The following EYS variants were observed in gnomAD, a reference collection of about 807,000 sequenced individuals.
EYS encodes the protein EGF-like photoreceptor maintenance factor.
Under a neutral mutation model 282.1 loss-of-function variants are expected in EYS, and 250 were observed. That is an observed-to-expected ratio of 0.89 (90% CI 0.80 to 0.98). The LOEUF is 0.98. Ranked by LOEUF, EYS falls within the 50% of genes least tolerant of loss-of-function variation. EYS has a pLI of 0.00. For missense variants in EYS, 4,016 were observed against 3,709.0 expected (o/e 1.08, Z -2.15); for synonymous variants, 1,355 against 1,282.9 (o/e 1.06, Z -1.20).
chr6:64,008,592 G>C (rs985754881), intron 33 of EYS, among the ~76,000 whole-genome samples: 16 of 151,494 alleles, frequency 1.1e-4, no homozygotes, highest in African/African-American at 3.9e-4. Context: ...TGTTTTTGTA[G>C]TGGCTAGTAG....
chr6:64,418,756 T>C (rs1774135946), intron 28 of EYS, among the ~76,000 whole-genome samples: 1 of 151,112 alleles, frequency 6.6e-6, no homozygotes, highest in Non-Finnish European at 1.5e-5. Flanking sequence ...TATATGACTA[T>C]AATTGAGGGA....
At chr6:65,638,725 C>G (rs1461952437) in intron 2 of EYS, among the ~76,000 whole-genome samples, 1 of 152,234 alleles carries the variant, frequency 6.6e-6, no homozygotes, top group Admixed American at 6.5e-5. Flanking sequence ...CCCACGCTCA[C>G]TTTCTCACAT....
In EYS at chr6:64,230,746, C is replaced by T. The variant is rs1276354912; in HGVS notation, c.6270G>A (p.Trp2090Ter). Residue 2090 changes from tryptophan (W) to a stop codon, truncating the protein, a stop_gained, in exon 31 of 43, where the codon TGG (tryptophan) becomes TGA (stop). Transcript: ENST00000503581. LOFTEE classifies it high-confidence loss of function. ...SDVTQGVDTMWTSVSPSVAAP... is the reference protein window; with the variant it reads ...SDVTQGVDTM ...CTGCAACAGAGGGGCTGACAGAAGTCCACATGGTATCAACCCCTTGTGTCA... is the reference window on the plus strand; with the variant it reads ...CTGCAACAGAGGGGCTGACAGAAGTTCACATGGTATCAACCCCTTGTGTCA... 3 of 1,551,422 alleles carry T rather than the reference C, an allele frequency of 1.9e-6. No homozygotes were observed. The African/African-American group carries it at 4.1e-5, about 21-fold the overall frequency.
intron 29 of EYS, among the ~76,000 whole-genome samples, chr6:64,346,078 A>T (rs1378544851): frequency 6.6e-6 from 1 of 152,066 alleles, no homozygotes; most frequent in Non-Finnish European, 1.5e-5. Context: ...ATGTGGAGAA[A>T]TAGGAACACT....
chr6:65,491,389 G>A, intron 4 of EYS: 1 of 305,632 alleles, frequency 3.3e-6, no homozygotes, highest in South Asian at 3.0e-5. Context: ...AAAATCCCAG[G>A]GCATAGCAAG....
chr6:64,482,788 T>C (rs546804875), intron 26 of EYS, among the ~76,000 whole-genome samples: 142 of 151,876 alleles, frequency 9.3e-4, no homozygotes, highest in Non-Finnish European at 1.8e-3. Context: ...ACAAAAAGTG[T>C]TGCAAACAGT....
chr6:63,926,977 A>G (rs1203841702), intron 35 of EYS, among the ~76,000 whole-genome samples: 3 of 152,186 alleles, frequency 2.0e-5, no homozygotes, highest in African/African-American at 7.2e-5. Context: ...ATATTAGCTC[A>G]CTTGATTTCA....
intron 13 of EYS, among the ~76,000 whole-genome samples, chr6:64,999,534 A>T (rs937478410): frequency 1.3e-5 from 2 of 152,244 alleles, no homozygotes; most frequent in South Asian, 2.1e-4. Flanking sequence ...CTACGTGAGG[A>T]CGGCACTCCT....
intron 26 of EYS, among the ~76,000 whole-genome samples, chr6:64,500,502 T>C (rs969056894): frequency 6.6e-6 from 1 of 152,030 alleles, no homozygotes; most frequent in South Asian, 2.1e-4. Flanking sequence ...AATCACACAT[T>C]CAAACAATGT....
intron 7 of EYS, among the ~76,000 whole-genome samples, chr6:65,385,574 G>C (rs1765769090): frequency 6.6e-6 from 1 of 151,582 alleles, no homozygotes; most frequent in African/African-American, 2.4e-5. Flanking sequence ...TTCAATTATT[G>C]TAAGTTGTGA....
At chr6:65,580,752 G>A (rs1374966187) in intron 2 of EYS, among the ~76,000 whole-genome samples, 2 of 151,812 alleles carry the variant, frequency 1.3e-5, no homozygotes, top group Non-Finnish European at 2.9e-5. Flanking sequence ...TCTATATAAA[G>A]CTACTATTTC....
chr6:63,900,196 A>G (rs1481486944), intron 35 of EYS, among the ~76,000 whole-genome samples: 1 of 152,188 alleles, frequency 6.6e-6, no homozygotes, highest in Non-Finnish European at 1.5e-5. Flanking sequence ...TGCAGGTATT[A>G]TTTACTTATT....
chr6:65,620,760 T>C (rs1461566186), intron 2 of EYS, among the ~76,000 whole-genome samples: 3 of 151,808 alleles, frequency 2.0e-5, no homozygotes, highest in Non-Finnish European at 4.4e-5. Context: ...GTGTCTTTGT[T>C]CTCATTGGTT....
chr6:65,041,017 T>C (rs952812642), intron 13 of EYS, among the ~76,000 whole-genome samples: 1 of 151,784 alleles, frequency 6.6e-6, no homozygotes, highest in African/African-American at 2.4e-5. Flanking sequence ...GATTGCAGAA[T>C]TGTAGATGAG....
intron 12 of EYS, among the ~76,000 whole-genome samples, chr6:65,110,859 T>G (rs995283724): frequency 6.6e-6 from 1 of 152,064 alleles, no homozygotes; most frequent in African/African-American, 2.4e-5. Context: ...ATGATAAAAT[T>G]TATATATTAG....
intron 22 of EYS, among the ~76,000 whole-genome samples, chr6:64,742,380 C>A (rs1479895359): frequency 6.6e-6 from 1 of 151,960 alleles, no homozygotes; most frequent in Non-Finnish European, 1.5e-5. Context: ...TGACAATGAA[C>A]AAATTTAAAA....
chr6:64,937,997 G>A (rs1361644256), intron 15 of EYS, among the ~76,000 whole-genome samples: 1 of 151,510 alleles, frequency 6.6e-6, no homozygotes, highest in Non-Finnish European at 1.5e-5. Context: ...AAAATATTAT[G>A]CTAAGTCAAA....
chr6:65,218,412 AG>A lies in EYS; in HGVS notation c.2023+77450del, dbSNP rs1419988897. Among the ~76,000 whole-genome samples the A allele has an allele frequency of 3.3e-5, 5 of 152,220 alleles. No individual in the cohort carries two copies. In the East Asian group the frequency reaches 9.6e-4, roughly 29 times the overall value. On this transcript the variant is annotated intron_variant, in intron 12 of 42. Coordinates refer to ENST00000503581, the MANE Select transcript of EYS (RefSeq NM_001142800.2). ...TCCCTGGTTTTGTGATACCTCACTG[AG>A]GTAAGAATGTGTTTTTTGAATGTAT...
chr6:65,573,616 C>T (rs754347849), intron 2 of EYS, among the ~76,000 whole-genome samples: 19 of 152,132 alleles, frequency 1.2e-4, no homozygotes, highest in Non-Finnish European at 2.5e-4. Context: ...CTGTAAGTGC[C>T]CATGTTTCAG....
Sources: gnomAD v4.1 joint callset for allele counts (sites outside exome capture counted in the v4.1 genomes callset) on GRCh38, gnomAD v4.1.1 for gene constraint, MANE v1.5 for transcripts, NCBI Gene and HGNC (gene_info 2026-07-23, HGNC 2026-07-21) for gene names.